RBFOX2: variants seen among roughly 807,000 people sequenced by gnomAD.
RBFOX2 encodes RNA binding protein fox-1 homolog 2.
Under a neutral mutation model 49.1 loss-of-function variants are expected in RBFOX2, and 10 were observed. The ratio of observed to expected loss-of-function variants is 0.20; its 90% CI spans 0.13 to 0.35. The LOEUF is 0.35. Among genes scored for constraint, RBFOX2 ranks in the 10% least tolerant of loss-of-function variants. RBFOX2 has a pLI of 1.00. For synonymous variants in RBFOX2, 183 were observed against 187.4 expected, an observed-to-expected ratio of 0.98 and a Z score of 0.19; for missense variants, 323 against 486.9, an observed-to-expected ratio of 0.66 and a Z score of 3.17.
chr22:35,897,587 G>T, intron 1 of RBFOX2: 2 of 983,930 alleles, frequency 2.0e-6, no homozygotes, highest in African/African-American at 1.6e-5. Context: ...AGGTCAAAGA[G>T]GAGATATCGA....
chr22:36,013,422 A>G (rs1341528265), intron 1 of RBFOX2, among the ~76,000 whole-genome samples: 5 of 152,198 alleles, frequency 3.3e-5, no homozygotes, highest in African/African-American at 1.2e-4. Flanking sequence ...CACATTACAT[A>G]CAGTATCGCT....
intron 1 of RBFOX2, among the ~76,000 whole-genome samples, chr22:36,012,156 TCAGGTAA>T (rs1196338948): frequency 4.6e-5 from 7 of 152,194 alleles, no homozygotes; most frequent in Admixed American, 4.6e-4. Context: ...GAATCAGCTG[TCAGGTAA>T]CAGGTAAAAT....
At chr22:36,013,895 T>C (rs934929387) in intron 1 of RBFOX2, among the ~76,000 whole-genome samples, 2 of 152,092 alleles carry the variant, frequency 1.3e-5, no homozygotes, top group Non-Finnish European at 2.9e-5. Context: ...TTTCATTACA[T>C]ATGTATTTAT....
At chr22:35,902,458 C>T (rs976049323) in intron 1 of RBFOX2, among the ~76,000 whole-genome samples, 3 of 152,092 alleles carry the variant, frequency 2.0e-5, no homozygotes, top group African/African-American at 7.2e-5. Context: ...ATCACATAAC[C>T]AAGCTGACTG....
intron 1 of RBFOX2, among the ~76,000 whole-genome samples, chr22:35,879,125 A>G (rs1192643940): frequency 6.6e-6 from 1 of 152,238 alleles, no homozygotes; most frequent in African/African-American, 2.4e-5. Flanking sequence ...GAAACATTTG[A>G]GCAAAAATTT....
At chr22:35,826,979 T>C (rs1433036589) in intron 1 of RBFOX2, among the ~76,000 whole-genome samples, 3 of 152,176 alleles carry the variant, frequency 2.0e-5, no homozygotes, top group Non-Finnish European at 4.4e-5. Flanking sequence ...GATGGGGGGA[T>C]TACTTTACTT....
intron 1 of RBFOX2, among the ~76,000 whole-genome samples, chr22:35,985,403 A>C (rs1161534986): frequency 6.6e-6 from 1 of 152,118 alleles, no homozygotes. Flanking sequence ...AGTGAAGTGC[A>C]CAGGTAGAGA....
chr22:35,992,576 T>C (rs1330001429), intron 1 of RBFOX2: 1 of 152,238 alleles, frequency 6.6e-6, no homozygotes, highest in Admixed American at 6.5e-5. Flanking sequence ...ACTTATTCTC[T>C]TGATTCTTGA....
At chr22:35,773,376 A>G (rs1272540268) in intron 4 of RBFOX2, among the ~76,000 whole-genome samples, 1 of 152,060 alleles carries the variant, frequency 6.6e-6, no homozygotes. Flanking sequence ...TATTCCAGAA[A>G]TCTACCTGAG....
In RBFOX2 at chr22:35,778,457, A is replaced by C. The variant is rs1944423714; in HGVS notation, c.400-379T>G. ...GAAGGCTGTTACCCTCCTTTTTTTTACACAAGCAAAGTATATTCACTATAT... is the reference window on the plus strand; with the variant it reads ...GAAGGCTGTTACCCTCCTTTTTTTTCCACAAGCAAAGTATATTCACTATAT... On this transcript the variant is annotated intron_variant, in intron 3 of 11. Transcript: ENST00000405409. 2.6e-5 allele frequency among the ~76,000 whole-genome samples: 4 copies of C among 152,072 alleles called. No homozygotes were observed. The South Asian group carries it at 8.3e-4, about 32-fold the overall frequency.
chr22:35,820,929 G>A (rs1045346281), intron 1 of RBFOX2, among the ~76,000 whole-genome samples: 2 of 152,150 alleles, frequency 1.3e-5, no homozygotes, highest in Middle Eastern at 3.2e-3. Flanking sequence ...GCGAGATATA[G>A]ACTGGGGGGC....
intron 1 of RBFOX2, among the ~76,000 whole-genome samples, chr22:35,900,966 A>C (rs2048496051): frequency 6.6e-6 from 1 of 152,196 alleles, no homozygotes. Context: ...CTGGAAGACA[A>C]AACAGTGAAC....
chr22:35,956,911 C>T (rs118071031), intron 1 of RBFOX2, among the ~76,000 whole-genome samples: 2 of 152,296 alleles, frequency 1.3e-5, no homozygotes, highest in East Asian at 3.9e-4. Context: ...ACTACTTCAG[C>T]AGGAACACTG....
chr22:35,927,264 TA>T (rs1844907858), intron 1 of RBFOX2, among the ~76,000 whole-genome samples: 1 of 152,108 alleles, frequency 6.6e-6, no homozygotes, highest in Admixed American at 6.5e-5. Flanking sequence ...TAGGAAGAAA[TA>T]AATGCCCAAG....
At chr22:35,944,825 C>T (rs906525827) in intron 1 of RBFOX2, among the ~76,000 whole-genome samples, 18 of 152,040 alleles carry the variant, frequency 1.2e-4, no homozygotes, top group Non-Finnish European at 2.2e-4. Context: ...GCTGTAATCC[C>T]GGCACTTTGG....
intron 1 of RBFOX2, among the ~76,000 whole-genome samples, chr22:35,846,459 T>A (rs2041228650): frequency 6.6e-6 from 1 of 151,392 alleles, no homozygotes; most frequent in Admixed American, 6.6e-5. Context: ...TACCTCAATA[T>A]CAAAAGTGTC....
At chr22:35,756,892 G>A (rs541315618) in intron 9 of RBFOX2, among the ~76,000 whole-genome samples, 3 of 151,970 alleles carry the variant, frequency 2.0e-5, no homozygotes, top group African/African-American at 7.2e-5. Flanking sequence ...TACCCACAAT[G>A]CATTGCTTTC....
chr22:35,758,818 TATGAATGA>T (rs142332120), intron 9 of RBFOX2, among the ~76,000 whole-genome samples: 5 of 152,038 alleles, frequency 3.3e-5, no homozygotes, highest in South Asian at 2.1e-4. Flanking sequence ...CCATTTGGTC[TATGAATGA>T]ATGAATGAAT....
At chr22:35,924,207 C>T (rs181535580) in intron 1 of RBFOX2, among the ~76,000 whole-genome samples, 3 of 152,252 alleles carry the variant, frequency 2.0e-5, no homozygotes, top group African/African-American at 4.8e-5. Flanking sequence ...CATGCCGAGA[C>T]GTGTGTTACT....
Sources: allele counts gnomAD v4.1 joint callset (sites outside exome capture counted in the v4.1 genomes callset), GRCh38; gene constraint gnomAD v4.1.1; transcripts MANE v1.5; gene names NCBI Gene and HGNC (gene_info 2026-07-23, HGNC 2026-07-21).